The following NR1D2 variants were observed in gnomAD, a reference collection of about 807,000 sequenced individuals.
NR1D2 encodes the protein V-erbA-related protein 1-related.
In NR1D2, 25 loss-of-function variants were observed where a neutral mutation model predicts 52.2. The observed-to-expected ratio is 0.48, with a 90% CI of 0.35 to 0.67. NR1D2 has a LOEUF of 0.67. NR1D2 is among the 30% of genes least tolerant of loss of function. The pLI is 0.01. For synonymous variants in NR1D2, 259 were observed against 230.1 expected, an observed-to-expected ratio of 1.13 and a Z score of -1.14; for missense variants, 681 against 707.2, an observed-to-expected ratio of 0.96 and a Z score of 0.42.
At chr3:23,959,528 C>A in intron 3 of NR1D2, 143 bp from the exon 4 acceptor site, 1 of 704,270 alleles carries the variant, frequency 1.4e-6, no homozygotes, top group Non-Finnish European at 2.3e-6. Flanking sequence ...TCCCTCTGTC[C>A]TAAGACATAG....
intron 7 of NR1D2, among the ~76,000 whole-genome samples, chr3:23,974,026 A>G (rs770156041): frequency 2.0e-5 from 3 of 149,388 alleles, no homozygotes; most frequent in Non-Finnish European, 4.4e-5. Flanking sequence ...TATTTCTATG[A>G]TAACAATGCA....
At chr3:23,975,061 T>G (rs1706686477) in intron 7 of NR1D2, among the ~76,000 whole-genome samples, 1 of 151,990 alleles carries the variant, frequency 6.6e-6, no homozygotes, top group Non-Finnish European at 1.5e-5. Context: ...TCAGGTGATC[T>G]ACCTGCCTTG....
At chr3:23,977,141 CTG>C in intron 7 of NR1D2, 80 bp from the exon 8 acceptor site, 1 of 796,566 alleles carries the variant, frequency 1.3e-6, no homozygotes, top group Non-Finnish European at 1.8e-6. Context: ...GTTAGTGACA[CTG>C]ATAAGCAAGA....
chr3:23,952,080 A>T (rs899716819), intron 1 of NR1D2, among the ~76,000 whole-genome samples: 1 of 152,220 alleles, frequency 6.6e-6, no homozygotes, highest in South Asian at 2.1e-4. Flanking sequence ...TTTCTGATCC[A>T]GTAGATCTGG....
chr3:23,964,924 AT>A, intron 5 of NR1D2, 52 bp from the exon 6 acceptor site: 4 of 1,244,346 alleles, frequency 3.2e-6, no homozygotes, highest in Non-Finnish European at 4.5e-6. Flanking sequence ...TGCTTTTGAC[AT>A]TTCTTTACCA....
At position 23,967,998 on chromosome 3, in the gene NR1D2, T is replaced by TAA; in HGVS notation, c.1519_1520insAA (p.Thr507LysfsTer14). The TAA allele has an allele frequency of 6.2e-7, 1 of 1,614,166 alleles. No homozygotes were observed. The highest frequency in any genetic ancestry group is 8.5e-7 in the Non-Finnish European group (1 of 1,180,020). Reference sequence around the variant, plus strand: ...TTAGTGATGAAGAGATGAGTTTGTTTACAGCTGTTGTCCTGGTATCTGCAG... The same window carrying TAA: ...TTAGTGATGAAGAGATGAGTTTGTTTAAACAGCTGTTGTCCTGGTATCTGCAG... On this transcript the variant is annotated frameshift_variant, in exon 7 of 8. Transcript: ENST00000312521. LOFTEE classifies it high-confidence loss of function.
At chr3:23,969,309 C>CAA (rs368033025) in intron 7 of NR1D2, among the ~76,000 whole-genome samples, 1 of 146,190 alleles carries the variant, frequency 6.8e-6, no homozygotes, top group Admixed American at 6.8e-5. Context: ...ACAAAAACAA[C>CAA]AAAAAAAAAA....
intron 3 of NR1D2, among the ~76,000 whole-genome samples, chr3:23,957,008 GT>G (rs1276390147): frequency 6.6e-6 from 1 of 151,630 alleles, no homozygotes; most frequent in Non-Finnish European, 1.5e-5. Context: ...TTTAGATGGA[GT>G]TTTGCTCTTA....
chr3:23,948,206 A>G (rs972872161), intron 1 of NR1D2, among the ~76,000 whole-genome samples: 1 of 151,958 alleles, frequency 6.6e-6, no homozygotes, highest in Non-Finnish European at 1.5e-5. Context: ...GCACACCTCT[A>G]CCCTTCCCTC....
In NR1D2 at chr3:23,970,914, T is replaced by TA. The variant is rs542275193; in HGVS notation, c.1543+2891_1543+2892insA. On this transcript the variant is annotated intron_variant, in intron 7 of 7. Transcript: ENST00000312521. ...CTCCTGCCTCAGCCTCCTGAGTAGC[T>TA]GGGATTACAGGCATGCACTACTACA... Among the ~76,000 whole-genome samples, 14 of 152,290 alleles carry TA rather than the reference T, an allele frequency of 9.2e-5. 1 individual carries two copies. In the South Asian group the frequency reaches 1.7e-3, roughly 18 times the overall value.
At chr3:23,959,018 A>G (rs1432839759) in intron 3 of NR1D2, among the ~76,000 whole-genome samples, 1 of 152,210 alleles carries the variant, frequency 6.6e-6, no homozygotes, top group African/African-American at 2.4e-5. Context: ...CTGTAAGTCT[A>G]ACACTTCGGG....
intron 7 of NR1D2, among the ~76,000 whole-genome samples, chr3:23,971,995 C>T (rs1706603315): frequency 1.3e-5 from 2 of 152,130 alleles, no homozygotes; most frequent in African/African-American, 4.8e-5. Flanking sequence ...AACCTCTGCA[C>T]CTTGAATCAG....
chr3:23,946,264 GGCGCGGACCCC>G, intron 1 of NR1D2: 4 of 985,496 alleles, frequency 4.1e-6, no homozygotes, highest in Non-Finnish European at 3.6e-6. Flanking sequence ...GTGACCCCAA[GGCGCGGACCCC>G]GCGCAAACCA....
intron 1 of NR1D2, among the ~76,000 whole-genome samples, chr3:23,946,962 A>G (rs967071528): frequency 6.6e-6 from 1 of 152,198 alleles, no homozygotes; most frequent in African/African-American, 2.4e-5. Context: ...TGTATTGTGA[A>G]CTTTTCACCA....
chr3:23,959,049 C>G (rs1319928053), intron 3 of NR1D2, among the ~76,000 whole-genome samples: 2 of 152,192 alleles, frequency 1.3e-5, no homozygotes, highest in African/African-American at 4.8e-5. Flanking sequence ...TGGCAGATCA[C>G]TTGAGCCCTG....
intron 5 of NR1D2, among the ~76,000 whole-genome samples, chr3:23,964,152 C>T (rs1443715397): frequency 1.3e-5 from 2 of 151,562 alleles, no homozygotes; most frequent in African/African-American, 4.9e-5. Flanking sequence ...GATCTCGGCT[C>T]ACTGCAACCT....
In NR1D2 at chr3:23,973,185, A is replaced by G. The variant is rs537306938; in HGVS notation, c.1544-4038A>G. Among the ~76,000 whole-genome samples, 3 of 152,290 alleles carry G rather than the reference A, an allele frequency of 2.0e-5. No homozygotes were observed. In the East Asian group the frequency reaches 5.8e-4, roughly 29 times the overall value. ...TCTTTCTCAGTTTTCGGTATTATAA[A>G]TTACTAATCATATGATTGAAACCAG... On this transcript the variant is annotated intron_variant, in intron 7 of 7. Transcript: ENST00000312521.
At chr3:23,955,186 A>G (rs1706049546) in intron 2 of NR1D2, among the ~76,000 whole-genome samples, 1 of 152,172 alleles carries the variant, frequency 6.6e-6, no homozygotes, top group Non-Finnish European at 1.5e-5. Context: ...AATATTTGGG[A>G]TGAGGAAATG....
At chr3:23,960,373 C>G (rs1241822636) in intron 4 of NR1D2, among the ~76,000 whole-genome samples, 1 of 152,176 alleles carries the variant, frequency 6.6e-6, no homozygotes, top group African/African-American at 2.4e-5. Flanking sequence ...CCACTGCACT[C>G]TAACCTGGGT....
Sources: gnomAD v4.1 joint callset for allele counts (sites outside exome capture counted in the v4.1 genomes callset) on GRCh38, gnomAD v4.1.1 for gene constraint, MANE v1.5 for transcripts, NCBI Gene and HGNC (gene_info 2026-07-23, HGNC 2026-07-21) for gene names.